The following NAV2 variants were observed in gnomAD, a reference collection of about 807,000 sequenced individuals.
NAV2 encodes the protein helicase, APC down-regulated 1.
NAV2 carries 54 observed loss-of-function variants against 223.2 expected under a neutral mutation model. The ratio of observed to expected loss-of-function variants is 0.24; its 90% CI spans 0.19 to 0.30. The LOEUF is 0.30. Ranked by LOEUF, NAV2 falls within the 10% of genes least tolerant of loss-of-function variation. The pLI, the probability that NAV2 is intolerant of heterozygous loss-of-function variation, is 1.00. For synonymous variants in NAV2, 1,279 were observed against 1,239.3 expected (o/e 1.03, Z -0.67); for missense variants, 2,806 against 3,147.5 (o/e 0.89, Z 2.60).
rs561992963 is a variant in NAV2 at position 20,032,173 on chromosome 11, G to A, written c.2769-3786G>A. 2.6e-5 allele frequency among the ~76,000 whole-genome samples: 4 copies of A among 152,258 alleles called. No individual in the cohort carries two copies. In the South Asian group the frequency reaches 8.3e-4, roughly 32 times the overall value. On this transcript the variant is annotated intron_variant, in intron 11 of 37. Coordinates refer to ENST00000349880, the MANE Select transcript of NAV2 (RefSeq NM_145117.5). ...TGGTTTCTGGCCACAGACAGCTCTG[G>A]CAAATATCGAGGCTGCCCTTGCTCA...
chr11:20,039,331 C>A (rs1161751782), intron 12 of NAV2, among the ~76,000 whole-genome samples: 1 of 152,154 alleles, frequency 6.6e-6, no homozygotes, highest in Non-Finnish European at 1.5e-5. Flanking sequence ...CAGGGAAATG[C>A]TTTATCAGCA....
intron 11 of NAV2, among the ~76,000 whole-genome samples, chr11:20,010,019 G>T (rs1387919282): frequency 6.6e-6 from 1 of 152,112 alleles, no homozygotes; most frequent in East Asian, 1.9e-4. Context: ...TAAGCATCTT[G>T]AGGGCAAGAA....
chr11:19,965,385 A>G (rs530836023), intron 10 of NAV2, among the ~76,000 whole-genome samples: 146 of 152,072 alleles, frequency 9.6e-4, no homozygotes, highest in African/African-American at 3.3e-3. Flanking sequence ...TGTTTCCACC[A>G]TCCATTTTTT....
chr11:20,052,404 A>AG (rs36108969), intron 17 of NAV2, among the ~76,000 whole-genome samples: 4 of 152,210 alleles, frequency 2.6e-5, no homozygotes, highest in Non-Finnish European at 4.4e-5. Flanking sequence ...GTGGCCTTAG[A>AG]GGGGGCCTTG....
chr11:19,874,385 C>A (rs564935445), intron 4 of NAV2, among the ~76,000 whole-genome samples: 1 of 152,224 alleles, frequency 6.6e-6, no homozygotes, highest in Non-Finnish European at 1.5e-5. Context: ...TTAGCCACAA[C>A]TGGCTAGTGT....
At chr11:19,923,605 T>C (rs2044471280) in intron 6 of NAV2, among the ~76,000 whole-genome samples, 1 of 152,226 alleles carries the variant, frequency 6.6e-6, no homozygotes, top group Non-Finnish European at 1.5e-5. Context: ...GCCTACAGAA[T>C]TCCTTAACTA....
intron 1 of NAV2, among the ~76,000 whole-genome samples, chr11:19,728,133 C>T (rs896598878): frequency 6.6e-6 from 1 of 152,166 alleles, no homozygotes; most frequent in Non-Finnish European, 1.5e-5. Context: ...CATGCACATG[C>T]GTCGAGATGC....
At chr11:19,987,870 G>A (rs1407761963) in intron 11 of NAV2, among the ~76,000 whole-genome samples, 1 of 152,198 alleles carries the variant, frequency 6.6e-6, no homozygotes, top group Non-Finnish European at 1.5e-5. Flanking sequence ...AGGGACAAAT[G>A]GAGTGGCTTA....
At chr11:19,551,340 C>T (rs1241720196) in intron 1 of NAV2, among the ~76,000 whole-genome samples, 1 of 152,218 alleles carries the variant, frequency 6.6e-6, no homozygotes, top group African/African-American at 2.4e-5. Context: ...TCTTAAAGTC[C>T]CCCCAGTCAT....
At chr11:19,507,940 G>C (rs542048263) in intron 1 of NAV2, among the ~76,000 whole-genome samples, 1 of 152,286 alleles carries the variant, frequency 6.6e-6, no homozygotes, top group East Asian at 1.9e-4. Context: ...TAACTCCAGA[G>C]CCCAGGCTTT....
At chr11:19,621,346 A>G (rs568342563) in intron 1 of NAV2, among the ~76,000 whole-genome samples, 56 of 152,236 alleles carry the variant, frequency 3.7e-4, no homozygotes, top group African/African-American at 1.3e-3. Flanking sequence ...GCTCCTCCTT[A>G]TACCTCTGGT....
At chr11:19,658,449 G>T (rs1178972715) in intron 1 of NAV2, among the ~76,000 whole-genome samples, 1 of 152,106 alleles carries the variant, frequency 6.6e-6, no homozygotes, top group African/African-American at 2.4e-5. Context: ...GGAAGGCAGG[G>T]GAACTAAAAT....
intron 30 of NAV2, 66 bp downstream of exon 30, chr11:20,095,833 A>ATGT: frequency 8.3e-7 from 1 of 1,202,290 alleles, no homozygotes; most frequent in Non-Finnish European, 1.2e-6. Context: ...TGGGGAGGAA[A>ATGT]AGAGAGGTTG....
At chr11:20,016,040 A>C (rs1249593167) in intron 11 of NAV2, among the ~76,000 whole-genome samples, 1 of 152,208 alleles carries the variant, frequency 6.6e-6, no homozygotes, top group South Asian at 2.1e-4. Flanking sequence ...TCTTTTTCAT[A>C]ACATGGGGAT....
chr11:19,926,456 G>C (rs563100440), intron 6 of NAV2, among the ~76,000 whole-genome samples: 2 of 152,192 alleles, frequency 1.3e-5, no homozygotes, highest in South Asian at 4.2e-4. Flanking sequence ...ATTAGACATT[G>C]ACACAGCAGT....
rs1433430246 is a variant in NAV2, at chr11:19,586,000, G to A, written c.75+234973G>A. 5.9e-5 allele frequency among the ~76,000 whole-genome samples: 9 copies of A among 152,230 alleles called. No homozygotes were observed. The South Asian group carries it at 1.0e-3, about 18-fold the overall frequency. On this transcript the variant is annotated intron_variant, in intron 1 of 37. Transcript: ENST00000360655. ...TTTCCAACTTTGTTCCATTCTCTCCGTCAGTTTCAGGTACACCAATCAGAT... is the reference window on the plus strand; with the variant it reads ...TTTCCAACTTTGTTCCATTCTCTCCATCAGTTTCAGGTACACCAATCAGAT...
intron 22 of NAV2, among the ~76,000 whole-genome samples, chr11:20,075,065 G>A (rs892380957): frequency 4.6e-5 from 7 of 152,102 alleles, no homozygotes; most frequent in African/African-American, 9.7e-5. Flanking sequence ...AATGTTCTTT[G>A]AAACATCCAG....
chr11:19,865,248 A>T (rs139461607), intron 3 of NAV2, among the ~76,000 whole-genome samples: 3 of 152,274 alleles, frequency 2.0e-5, no homozygotes, highest in Non-Finnish European at 4.4e-5. Flanking sequence ...GGGCACGAGG[A>T]CATCATTGTG....
At chr11:19,861,113 G>C (rs1237592715) in intron 3 of NAV2, among the ~76,000 whole-genome samples, 1 of 150,658 alleles carries the variant, frequency 6.6e-6, no homozygotes, top group Non-Finnish European at 1.5e-5. Context: ...GAGAGGGAGA[G>C]GGAGAGGGAG....
Sources: allele counts gnomAD v4.1 joint callset (sites outside exome capture counted in the v4.1 genomes callset), GRCh38; gene constraint gnomAD v4.1.1; transcripts MANE v1.5; gene names NCBI Gene and HGNC (gene_info 2026-07-23, HGNC 2026-07-21).